Variants in GUCY2F observed in about 807,000 individuals in gnomAD.
The protein encoded by GUCY2F is retinal guanylyl cyclase 2.
In GUCY2F, 61 loss-of-function variants were observed where a neutral mutation model predicts 73.1. The observed-to-expected ratio is 0.83, with a 90% CI of 0.68 to 1.03. The LOEUF is 1.03. Among genes scored for constraint, GUCY2F ranks in the 50% least tolerant of loss-of-function variants. The probability of loss-of-function intolerance (pLI) is 0.00; values close to 1 mark genes in which losing one functional copy is unlikely to be tolerated. For synonymous variants in GUCY2F, 331 were observed against 307.8 expected, an observed-to-expected ratio of 1.08 and a Z score of -0.79; for missense variants, 912 against 854.3, an observed-to-expected ratio of 1.07 and a Z score of -0.84.
At chrX:109,437,451 T>G (rs1931777352) in intron 7 of GUCY2F, among the ~76,000 whole-genome samples, 1 of 112,491 alleles carries the variant, frequency 8.9e-6, no homozygotes, top group African/African-American at 3.2e-5. Context: ...GTTTATTTTT[T>G]CCCCTTCTCA....
chrX:109,388,144 G>T (rs1930478064), intron 15 of GUCY2F, among the ~76,000 whole-genome samples: 1 of 111,441 alleles, frequency 9.0e-6, no homozygotes, highest in African/African-American at 3.3e-5. Context: ...AATGAATGTG[G>T]GAGGAAAATA....
chrX:109,387,858 TGAG>T (rs1287183521), intron 15 of GUCY2F, among the ~76,000 whole-genome samples: 1 of 111,294 alleles, frequency 9.0e-6, no homozygotes, highest in Non-Finnish European at 1.9e-5. Flanking sequence ...AAAAGCCAAT[TGAG>T]GAGCATTTTA....
At chrX:109,392,759 C>A in intron 13 of GUCY2F, 133 bp downstream of exon 13, 1 of 430,185 alleles carries the variant, frequency 2.3e-6, no homozygotes, top group Admixed American at 3.7e-5. Context: ...GACTAAAGCC[C>A]ACTAGGAGAA....
chrX:109,444,746 C>G (rs746540332), intron 6 of GUCY2F, among the ~76,000 whole-genome samples: 17 of 111,918 alleles, frequency 1.5e-4, no homozygotes, highest in Non-Finnish European at 2.3e-4. Flanking sequence ...AAGAACACGC[C>G]TTTTCCACAA....
intron 16 of GUCY2F, among the ~76,000 whole-genome samples, chrX:109,383,906 A>G (rs1159754344): frequency 8.9e-6 from 1 of 112,677 alleles, no homozygotes; most frequent in Non-Finnish European, 1.9e-5. Flanking sequence ...CCAAATCTGC[A>G]TTGCAGTTCC....
intron 7 of GUCY2F, among the ~76,000 whole-genome samples, chrX:109,434,593 G>T (rs1254244760): frequency 2.7e-5 from 3 of 109,921 alleles, no homozygotes; most frequent in Non-Finnish European, 5.7e-5. Context: ...TCACTCTGAT[G>T]GTAGTTTCTT....
At chrX:109,424,768 AC>A (rs1931444962) in intron 8 of GUCY2F, among the ~76,000 whole-genome samples, 1 of 104,922 alleles carries the variant, frequency 9.5e-6, no homozygotes, top group Non-Finnish European at 1.9e-5. Context: ...AACAGGGAAC[AC>A]TTTTTTTTTT....
chrX:109,442,288 A>G (rs1216949173), intron 6 of GUCY2F, among the ~76,000 whole-genome samples: 1 of 111,388 alleles, frequency 9.0e-6, no homozygotes, highest in Non-Finnish European at 1.9e-5. Context: ...CAGGTTCCTC[A>G]TATTCTCCAT....
intron 7 of GUCY2F, among the ~76,000 whole-genome samples, chrX:109,432,384 A>G (rs1931636842): frequency 8.9e-6 from 1 of 111,965 alleles, no homozygotes; most frequent in African/African-American, 3.2e-5. Flanking sequence ...CCCTTCAGAG[A>G]ACTTTGTCCT....
In GUCY2F at chrX:109,447,897, A is replaced by T. The variant is rs1034323355; in HGVS notation, c.1569+172T>A. ...TTTTAATTTTTTTAATTTTTTTTTT[A>T]AATTTAATAAGATATTTTACATGTT... On this transcript the variant is annotated intron_variant, in intron 6 of 19. Coordinates refer to ENST00000218006, the MANE Select transcript of GUCY2F (RefSeq NM_001522.3). Among the ~76,000 whole-genome samples, 13 of 109,818 alleles carry T rather than the reference A, an allele frequency of 1.2e-4. No individual in the cohort carries two copies. In the South Asian group the frequency reaches 1.5e-3, roughly 13 times the overall value.
intron 8 of GUCY2F, among the ~76,000 whole-genome samples, chrX:109,426,449 C>T (rs1395085930): frequency 3.6e-5 from 4 of 112,089 alleles, no homozygotes; most frequent in Non-Finnish European, 5.6e-5. Flanking sequence ...AGTGCAGTGG[C>T]GTGATCTCGG....
intron 7 of GUCY2F, among the ~76,000 whole-genome samples, chrX:109,431,939 G>T (rs1931626814): frequency 9.2e-6 from 1 of 108,785 alleles, no homozygotes; most frequent in Admixed American, 9.8e-5. Flanking sequence ...AAACTGCACT[G>T]GCCAGGCTCA....
At chrX:109,455,304 C>T (rs1932235276) in intron 3 of GUCY2F, among the ~76,000 whole-genome samples, 1 of 111,913 alleles carries the variant, frequency 8.9e-6, no homozygotes, top group African/African-American at 3.2e-5. Context: ...AGTCATTTAT[C>T]AGCTTTCTCT....
At chrX:109,461,275 G>A (rs1339875576) in intron 3 of GUCY2F, among the ~76,000 whole-genome samples, 1 of 112,154 alleles carries the variant, frequency 8.9e-6, no homozygotes, top group Non-Finnish European at 1.9e-5. Context: ...GAAAGTGGTT[G>A]CTTCTGATGA....
At chrX:109,438,870 C>T in intron 7 of GUCY2F, among the ~76,000 whole-genome samples, 1 of 112,881 alleles carries the variant, frequency 8.9e-6, no homozygotes, top group South Asian at 3.6e-4. Flanking sequence ...CTGAGTATTG[C>T]CCTAGTGAGG....
chrX:109,390,412 C>T (rs1199654644), intron 14 of GUCY2F, among the ~76,000 whole-genome samples: 1 of 111,883 alleles, frequency 8.9e-6, no homozygotes, highest in Admixed American at 9.4e-5. Flanking sequence ...AAAATAAAAA[C>T]ACAAATGAGT....
intron 3 of GUCY2F, among the ~76,000 whole-genome samples, chrX:109,455,586 T>C (rs1932241595): frequency 9.0e-6 from 1 of 111,556 alleles, no homozygotes; most frequent in African/African-American, 3.3e-5. Flanking sequence ...CTTGGTATAG[T>C]TCAGGGACAA....
rs772789321 is a variant in GUCY2F, at chrX:109,384,077, C to T, written c.3055+1107G>A. 6.2e-5 allele frequency among the ~76,000 whole-genome samples: 7 copies of T among 112,637 alleles called. No individual in the cohort carries two copies. In the East Asian group the frequency reaches 1.7e-3, roughly 27 times the overall value. On this transcript the variant is annotated intron_variant, in intron 16 of 19. Coordinates refer to ENST00000218006, the MANE Select transcript of GUCY2F (RefSeq NM_001522.3). Reference sequence around the variant, plus strand: ...GTCAGAAAATTTATTCTGACAACAGCTTCTAAGTTCCATACTGCCTCCTTA... The same window carrying T: ...GTCAGAAAATTTATTCTGACAACAGTTTCTAAGTTCCATACTGCCTCCTTA...
At chrX:109,467,355 G>A (rs771313480) in intron 2 of GUCY2F, among the ~76,000 whole-genome samples, 3 of 112,232 alleles carry the variant, frequency 2.7e-5, no homozygotes, top group Non-Finnish European at 5.6e-5. Context: ...TTGTCCAACA[G>A]TATCCTCAGC....
Sources: gnomAD v4.1 joint callset for allele counts (sites outside exome capture counted in the v4.1 genomes callset) on GRCh38, gnomAD v4.1.1 for gene constraint, MANE v1.5 for transcripts, NCBI Gene and HGNC (gene_info 2026-07-23, HGNC 2026-07-21) for gene names.